RGS7: variants seen among roughly 807,000 people sequenced by gnomAD.
The protein encoded by RGS7 is regulator of G protein signaling 7, also known as regulator of G-protein signaling 7.
A neutral mutation model predicts 81.1 loss-of-function variants in RGS7; 27 were observed. The ratio of observed to expected loss-of-function variants is 0.33; its 90% CI spans 0.25 to 0.46. RGS7 has a LOEUF of 0.46. Among genes scored for constraint, RGS7 ranks in the 20% least tolerant of loss-of-function variants. The pLI, the probability that RGS7 is intolerant of heterozygous loss-of-function variation, is 1.00. For synonymous variants in RGS7, 208 were observed against 207.7 expected (o/e 1.00, Z -0.01); for missense variants, 396 against 607.4 (o/e 0.65, Z 3.66).
intron 3 of RGS7, among the ~76,000 whole-genome samples, chr1:241,020,297 G>T: frequency 6.6e-6 from 1 of 152,152 alleles, no homozygotes; most frequent in South Asian, 2.1e-4. Context: ...ATAAACAGGA[G>T]TTTATTCTCT....
intron 2 of RGS7, among the ~76,000 whole-genome samples, chr1:241,185,825 T>C (rs1211548363): frequency 6.6e-6 from 1 of 152,150 alleles, no homozygotes; most frequent in Admixed American, 6.5e-5. Flanking sequence ...TATTGTGGTA[T>C]GCATTCAAGA....
In RGS7 at chr1:241,141,011, C is replaced by T. The variant is rs1026244216; in HGVS notation, c.79-42249G>A. ...AGTAGGAGACAATTCCCACCACCTT[C>T]ACCCCAAACAGCATAAAAATGTAAA... On this transcript the variant is annotated intron_variant, in intron 2 of 18. Transcript: ENST00000440928. Among the ~76,000 whole-genome samples, 3 of 152,176 alleles carry T rather than the reference C, an allele frequency of 2.0e-5. No homozygotes were observed. In the South Asian group the frequency reaches 6.2e-4, roughly 32 times the overall value.
chr1:241,020,062 G>C (rs1319108322), intron 3 of RGS7, among the ~76,000 whole-genome samples: 1 of 152,194 alleles, frequency 6.6e-6, no homozygotes, highest in Non-Finnish European at 1.5e-5. Context: ...CTGTGAGAAT[G>C]TTAGCAAGTT....
rs1233130408 is a variant in RGS7, at chr1:241,197,456, G to A, written c.79-98694C>T. Among the ~76,000 whole-genome samples, 17 of 14,674 alleles carry A rather than the reference G, an allele frequency of 1.2e-3. 5 individuals are homozygous for A. The highest frequency in any genetic ancestry group is 3.2e-3 in the African/African-American group (17 of 5,372). The allele number at this position is 14,674 out of a possible 152,430, so 9.6% of individuals were successfully genotyped here. On this transcript the variant is annotated intron_variant, in intron 2 of 18. Coordinates refer to ENST00000440928, the MANE Select transcript of RGS7 (RefSeq NM_001364886.1). The stretch of plus-strand genomic sequence containing the variant: ...TTTTTAGTAGAGACGGGGTTTCACC[G>A]TTTTAGCCGGGATGGTCTCGATCTC...
chr1:241,261,569 C>T (rs909475765), intron 2 of RGS7, among the ~76,000 whole-genome samples: 1 of 145,896 alleles, frequency 6.9e-6, no homozygotes, highest in Admixed American at 7.1e-5. Flanking sequence ...GTGGAGGTTG[C>T]AGTGAGCCGA....
At chr1:241,347,190 A>C (rs796714972) in intron 2 of RGS7, among the ~76,000 whole-genome samples, 1 of 152,178 alleles carries the variant, frequency 6.6e-6, no homozygotes, top group African/African-American at 2.4e-5. Flanking sequence ...AATCATGTCA[A>C]CTGGGCTTCT....
intron 2 of RGS7, among the ~76,000 whole-genome samples, chr1:241,314,033 G>A (rs1389071076): frequency 1.3e-5 from 2 of 152,118 alleles, no homozygotes; most frequent in Non-Finnish European, 2.9e-5. Flanking sequence ...AAAAAAAAGT[G>A]GTTTTTTGAG....
chr1:241,027,257 G>A (rs2059839397), intron 3 of RGS7, among the ~76,000 whole-genome samples: 1 of 151,926 alleles, frequency 6.6e-6, no homozygotes, highest in South Asian at 2.1e-4. Context: ...GTGGAGTGTG[G>A]TGGCAGGGAG....
intron 3 of RGS7, among the ~76,000 whole-genome samples, chr1:241,043,697 G>C (rs1160681126): frequency 6.7e-6 from 1 of 149,190 alleles, no homozygotes; most frequent in African/African-American, 2.5e-5. Context: ...ATGAGAAAAA[G>C]CAAAAAACAA....
intron 2 of RGS7, among the ~76,000 whole-genome samples, chr1:241,106,245 A>AT (rs2065088514): frequency 6.6e-6 from 1 of 152,148 alleles, no homozygotes; most frequent in Non-Finnish European, 1.5e-5. Context: ...AATTGATATG[A>AT]TTTTTCCCCA....
intron 2 of RGS7, among the ~76,000 whole-genome samples, chr1:241,225,487 G>A (rs11588088): frequency 0.18 from 26,837 of 152,120 alleles, 2,705 homozygotes; most frequent in Middle Eastern, 0.23. Context: ...TAGAGAGGAC[G>A]CTTCTCACGT....
chr1:241,221,501 G>T (rs1382847584), intron 2 of RGS7, among the ~76,000 whole-genome samples: 1 of 152,198 alleles, frequency 6.6e-6, no homozygotes, highest in Admixed American at 6.5e-5. Flanking sequence ...TCCAGAGCTG[G>T]TCAATGAAGC....
chr1:240,838,360 T>C (rs1695042588), intron 9 of RGS7, among the ~76,000 whole-genome samples: 1 of 152,174 alleles, frequency 6.6e-6, no homozygotes, highest in Non-Finnish European at 1.5e-5. Flanking sequence ...ACCACCACCT[T>C]GGAGGTTAGG....
chr1:240,847,551 G>C (rs140694236), intron 9 of RGS7, among the ~76,000 whole-genome samples: 2 of 152,328 alleles, frequency 1.3e-5, no homozygotes, highest in African/African-American at 4.8e-5. Flanking sequence ...AGTGGCAGGA[G>C]TGGGAAGAGA....
intron 3 of RGS7, among the ~76,000 whole-genome samples, chr1:241,038,652 C>T (rs1380109805): frequency 6.6e-6 from 1 of 152,146 alleles, no homozygotes; most frequent in Non-Finnish European, 1.5e-5. Context: ...AACTCTAAGA[C>T]AACACTTAGG....
chr1:240,947,002 A>T (rs190689335), intron 4 of RGS7, among the ~76,000 whole-genome samples: 142 of 152,318 alleles, frequency 9.3e-4, no homozygotes, highest in African/African-American at 3.2e-3. Context: ...ATATACAACT[A>T]TAAGGTGCCA....
chr1:241,315,107 CTTTTT>C (rs5782184), intron 2 of RGS7, among the ~76,000 whole-genome samples: 7,922 of 56,828 alleles, frequency 0.14, 69 homozygotes, highest in Middle Eastern at 0.22. Context: ...TCTTCTTCTT[CTTTTT>C]TTTTTTTTTT....
intron 3 of RGS7, among the ~76,000 whole-genome samples, chr1:241,066,809 C>G (rs533923230): frequency 6.6e-6 from 1 of 152,332 alleles, no homozygotes; most frequent in African/African-American, 2.4e-5. Context: ...TCAGGTGACA[C>G]TGACCTACTA....
chr1:240,805,832 C>G (rs1014238824), intron 15 of RGS7, among the ~76,000 whole-genome samples: 11 of 151,968 alleles, frequency 7.2e-5, no homozygotes, highest in Non-Finnish European at 1.0e-4. Flanking sequence ...GTGGGGTCAT[C>G]ATTAGATGGT....
Sources: allele counts gnomAD v4.1 joint callset (sites outside exome capture counted in the v4.1 genomes callset), GRCh38; gene constraint gnomAD v4.1.1; transcripts MANE v1.5; gene names NCBI Gene and HGNC (gene_info 2026-07-23, HGNC 2026-07-21).